The following SCTR variants were observed in gnomAD, a reference collection of about 807,000 sequenced individuals.
SCTR encodes pancreatic secretin receptor.
SCTR carries 56 observed loss-of-function variants against 60.8 expected under a neutral mutation model. The observed-to-expected ratio is 0.92, with a 90% confidence interval of 0.74 to 1.15. SCTR has a LOEUF of 1.15. Ranked by LOEUF, SCTR falls within the 50% of genes most tolerant of loss-of-function variation. SCTR has a pLI of 0.00. For missense variants in SCTR, 562 were observed against 550.4 expected (o/e 1.02, Z -0.21); for synonymous variants, 202 against 217.0 (o/e 0.93, Z 0.61).
At chr2:119,453,740 G>A (rs990259774) in intron 7 of SCTR, among the ~76,000 whole-genome samples, 16 of 152,224 alleles carry the variant, frequency 1.1e-4, no homozygotes, top group African/African-American at 3.9e-4. Flanking sequence ...GTGCAGCGGG[G>A]AGGAGGAAGT....
chr2:119,443,919 G>A (rs1050497439), intron 11 of SCTR, among the ~76,000 whole-genome samples: 3 of 152,054 alleles, frequency 2.0e-5, no homozygotes, highest in Non-Finnish European at 2.9e-5. Context: ...TTTAAGCCCC[G>A]TCTTTTAGAA....
intron 6 of SCTR, among the ~76,000 whole-genome samples, chr2:119,463,129 G>A (rs60775402): frequency 0.025 from 3,856 of 152,088 alleles, 170 homozygotes; most frequent in African/African-American, 0.087. Flanking sequence ...GAAGTGGCAG[G>A]CAGGTTGGCT....
At chr2:119,524,047 TG>T in intron 1 of SCTR, 107 bp downstream of exon 1, 1 of 811,762 alleles carries the variant, frequency 1.2e-6, no homozygotes. Context: ...CTATTCCTCA[TG>T]GGAAGATCTG....
rs114875281 is a variant in SCTR, at chr2:119,471,094, C to T, written c.405+2359G>A. ...GGGAGAGAGATGCAAATGACACAGA[C>T]CCTGGTGATTCTGTGGTGCTGCCTC... On this transcript the variant is annotated intron_variant, in intron 4 of 12. Transcript: ENST00000019103. Among the ~76,000 whole-genome samples, 449 of 152,284 alleles carry T rather than the reference C, an allele frequency of 2.9e-3. 1 individual carries two copies. Among genetic ancestry groups the T allele is most frequent in the African/African-American group, 0.01 (434 of 41,560 alleles).
At chr2:119,454,191 C>G (rs1410401082) in intron 7 of SCTR, among the ~76,000 whole-genome samples, 1 of 152,092 alleles carries the variant, frequency 6.6e-6, no homozygotes, top group Non-Finnish European at 1.5e-5. Context: ...TGGGGAAGTG[C>G]CCAAGGATGC....
intron 12 of SCTR, among the ~76,000 whole-genome samples, chr2:119,440,756 G>A (rs184141532): frequency 6.6e-6 from 1 of 152,128 alleles, no homozygotes; most frequent in Non-Finnish European, 1.5e-5. Context: ...ATTTAAGATG[G>A]GTCCCCACTT....
intron 11 of SCTR, among the ~76,000 whole-genome samples, chr2:119,442,655 C>G (rs1682699136): frequency 6.6e-6 from 1 of 152,204 alleles, no homozygotes; most frequent in Non-Finnish European, 1.5e-5. Flanking sequence ...ATGACTGCTA[C>G]ATAGACTGGG....
intron 1 of SCTR, among the ~76,000 whole-genome samples, chr2:119,496,903 G>A (rs1044658509): frequency 4.6e-5 from 7 of 152,132 alleles, no homozygotes; most frequent in African/African-American, 1.4e-4. Context: ...ACCAGCCTTG[G>A]TGATGTTAGG....
chr2:119,524,316 G>A lies in SCTR; in HGVS notation c.-90C>T, dbSNP rs993798914. 3.4e-6 allele frequency: 3 copies of A among 882,322 alleles called. No individual in the cohort carries two copies. The highest frequency in any genetic ancestry group is 3.6e-5 in the African/African-American group (2 of 56,306). 54.7% of individuals were successfully genotyped at this position (882,322 alleles called of 1,614,324 possible). On this transcript the variant is annotated 5_prime_UTR_variant, in exon 1 of 13. Coordinates refer to ENST00000019103, the MANE Select transcript of SCTR (RefSeq NM_002980.3). Reference sequence around the variant, plus strand: ...AGCTCAGCGCCCCGCGCAGGGTCCCGGGCTCCGGCCGGCCGCTGCGCCCCG... The same window carrying A: ...AGCTCAGCGCCCCGCGCAGGGTCCCAGGCTCCGGCCGGCCGCTGCGCCCCG...
At chr2:119,492,805 A>G (rs1251682287) in intron 2 of SCTR, among the ~76,000 whole-genome samples, 1 of 150,986 alleles carries the variant, frequency 6.6e-6, no homozygotes, top group Non-Finnish European at 1.5e-5. Context: ...GAAATCATAC[A>G]GTGTGTTCCT....
At chr2:119,473,608 T>A in intron 3 of SCTR, 52 bp from the exon 4 acceptor site, 1 of 1,097,172 alleles carries the variant, frequency 9.1e-7, no homozygotes, top group Non-Finnish European at 1.4e-6. Flanking sequence ...GCACTGTGAT[T>A]TTCATAGTAA....
chr2:119,472,494 T>G (rs1187160599), intron 4 of SCTR, among the ~76,000 whole-genome samples: 4 of 152,200 alleles, frequency 2.6e-5, no homozygotes, highest in Non-Finnish European at 5.9e-5. Context: ...AGGGCCCTGA[T>G]GGCCACCCTC....
intron 6 of SCTR, among the ~76,000 whole-genome samples, chr2:119,463,057 G>GA: frequency 7.0e-6 from 1 of 143,850 alleles, no homozygotes; most frequent in Non-Finnish European, 1.5e-5. Context: ...GTCTGAGTCA[G>GA]AAAATACACA....
rs577912169 is a variant in SCTR at position 119,491,223 on chromosome 2, G to A, written c.193+3205C>T. On this transcript the variant is annotated intron_variant, in intron 2 of 12. Transcript: ENST00000019103. Reference sequence around the variant, plus strand: ...GAGGTGATCTTTTCATAATGCAGACGGTAACACTCCTGGCCTCCTAAGACT... The same window carrying A: ...GAGGTGATCTTTTCATAATGCAGACAGTAACACTCCTGGCCTCCTAAGACT... 1.2e-4 allele frequency among the ~76,000 whole-genome samples: 19 copies of A among 152,208 alleles called. No individual in the cohort carries two copies. The East Asian group carries it at 2.7e-3, about 22-fold the overall frequency.
chr2:119,442,765 C>T (rs1445092286), intron 11 of SCTR, among the ~76,000 whole-genome samples: 1 of 152,122 alleles, frequency 6.6e-6, no homozygotes, highest in East Asian at 1.9e-4. Context: ...CTCCCCAGAT[C>T]CCAGTAGCTG....
intron 2 of SCTR, among the ~76,000 whole-genome samples, chr2:119,494,145 C>T (rs1233430359): frequency 1.3e-5 from 2 of 152,170 alleles, no homozygotes; most frequent in South Asian, 2.1e-4. Context: ...TCCCACCAAG[C>T]TCTTACGTTG....
chr2:119,502,323 CAT>C lies in SCTR; in HGVS notation c.73-7777_73-7776del, dbSNP rs560972063. On this transcript the variant is annotated intron_variant, in intron 1 of 12. Coordinates refer to ENST00000019103, the MANE Select transcript of SCTR (RefSeq NM_002980.3). Reference sequence around the variant, plus strand: ...ATGCTTAGGCATAAATCCAGCAAAACATGTGCAGAATTTATATGCTGAGAACA... The same window carrying C: ...ATGCTTAGGCATAAATCCAGCAAAACGTGCAGAATTTATATGCTGAGAACA... 3.9e-4 allele frequency among the ~76,000 whole-genome samples: 59 copies of C among 152,228 alleles called. 1 individual carries two copies. The South Asian group carries it at 9.9e-3, about 26-fold the overall frequency.
chr2:119,468,831 A>C (rs1442389505), intron 4 of SCTR, among the ~76,000 whole-genome samples: 16 of 152,156 alleles, frequency 1.1e-4, no homozygotes, highest in African/African-American at 3.9e-4. Context: ...TACATGAAAA[A>C]ACTGGGTCCA....
chr2:119,461,503 G>A (rs1192492923), intron 7 of SCTR, among the ~76,000 whole-genome samples: 1 of 152,192 alleles, frequency 6.6e-6, no homozygotes, highest in Non-Finnish European at 1.5e-5. Context: ...CCTGAGGTCA[G>A]GAGTTCAAAA....
Sources: gnomAD v4.1 joint callset for allele counts (sites outside exome capture counted in the v4.1 genomes callset) on GRCh38, gnomAD v4.1.1 for gene constraint, MANE v1.5 for transcripts, NCBI Gene and HGNC (gene_info 2026-07-23, HGNC 2026-07-21) for gene names.